FBXO36: variants seen among roughly 807,000 people sequenced by gnomAD.
The protein encoded by FBXO36 is F-box protein 36, also known as F-box only protein 36.
FBXO36 carries 18 observed loss-of-function variants against 17.0 expected under a neutral mutation model. The ratio of observed to expected loss-of-function variants is 1.06; its 90% confidence interval spans 0.73 to 1.57. The LOEUF is 1.57. FBXO36 is among the 40% of genes most tolerant of loss of function. The pLI is 0.00. For missense variants in FBXO36, 229 were observed against 221.9 expected (o/e 1.03, Z -0.20); for synonymous variants, 83 against 85.3 (o/e 0.97, Z 0.15).
At chr2:229,939,058 G>GTTTTTTTTTTT (rs199897011) in intron 1 of FBXO36, 3 of 115,620 alleles carry the variant, frequency 2.6e-5, no homozygotes, top group Non-Finnish European at 3.4e-5. Context: ...TTTGTTTTTT[G>GTTTTTTTTTTT]TTTTTTTTTT....
chr2:229,976,387 C>T lies in FBXO36; in HGVS notation c.205+38C>T, dbSNP rs72993020. ...ACATATTATATACCCCTGTTAAGTT[C>T]TCATTAGTTAGTGGTAGATTTTGTT... On this transcript the variant is annotated intron_variant, in intron 2 of 3. Transcript: ENST00000283946. 7.0e-3 allele frequency: 9,598 copies of T among 1,376,956 alleles called. 52 individuals carry two copies. The highest frequency in any genetic ancestry group is 8.9e-3 in the Non-Finnish European group (8,655 of 972,522). The allele number at this position is 1,376,956 out of a possible 1,614,324, so 85.3% of individuals were successfully genotyped here. A position where few individuals can be genotyped will look rare whatever the true frequency, so the allele number is the denominator to read the frequency against.
intron 3 of FBXO36, among the ~76,000 whole-genome samples, chr2:230,007,131 A>G (rs554934557): frequency 6.6e-6 from 1 of 152,348 alleles, no homozygotes; most frequent in African/African-American, 2.4e-5. Context: ...GTGTGCTGCC[A>G]TTTGGGCACC....
intron 1 of FBXO36, among the ~76,000 whole-genome samples, chr2:229,957,490 T>G (rs2077094710): frequency 6.6e-6 from 1 of 152,120 alleles, no homozygotes; most frequent in East Asian, 1.9e-4. Context: ...GGCAGGAGAA[T>G]TGCTTGAACC....
At chr2:230,001,608 A>G (rs1490427514) in intron 3 of FBXO36, among the ~76,000 whole-genome samples, 1 of 151,886 alleles carries the variant, frequency 6.6e-6, no homozygotes, top group Non-Finnish European at 1.5e-5. Context: ...TTTTCATTTA[A>G]CTACTTTATT....
chr2:229,997,046 C>A, intron 3 of FBXO36, 123 bp downstream of exon 3: 1 of 839,980 alleles, frequency 1.2e-6, no homozygotes, highest in Non-Finnish European at 1.9e-6. Context: ...GGTGCACAAG[C>A]AGCAGAGATG....
At chr2:229,959,579 C>G (rs1396408091) in intron 1 of FBXO36, among the ~76,000 whole-genome samples, 1 of 152,100 alleles carries the variant, frequency 6.6e-6, no homozygotes, top group Non-Finnish European at 1.5e-5. Flanking sequence ...GGCGCGGTGG[C>G]TCATGCCTGG....
chr2:230,003,347 A>C (rs1001855367), intron 3 of FBXO36, among the ~76,000 whole-genome samples: 2 of 150,862 alleles, frequency 1.3e-5, no homozygotes, highest in Non-Finnish European at 2.9e-5. Flanking sequence ...TTATCATTTT[A>C]TTTTGTTCTG....
intron 1 of FBXO36, among the ~76,000 whole-genome samples, chr2:229,959,716 G>A (rs957922072): frequency 2.0e-5 from 3 of 151,906 alleles, no homozygotes; most frequent in Admixed American, 1.3e-4. Flanking sequence ...CGTGGTGGTG[G>A]GCGCCTGTAG....
chr2:229,922,697 C>G, intron 1 of FBXO36, 88 bp downstream of exon 1: 1 of 1,369,580 alleles, frequency 7.3e-7, no homozygotes, highest in South Asian at 1.3e-5. Context: ...AGGCCAAGAG[C>G]AACCGTAGCC....
intron 2 of FBXO36, among the ~76,000 whole-genome samples, chr2:229,989,679 G>T (rs1271079405): frequency 6.6e-6 from 1 of 151,276 alleles, no homozygotes; most frequent in African/African-American, 2.4e-5. Flanking sequence ...CTCTGCCTCA[G>T]ACTCCAGAGT....
intron 1 of FBXO36, among the ~76,000 whole-genome samples, chr2:229,972,298 T>G (rs1207011935): frequency 5.9e-5 from 9 of 152,066 alleles, no homozygotes; most frequent in Admixed American, 5.9e-4. Context: ...GTGCCCGGCC[T>G]ACCAAGTATG....
At chr2:229,935,935 C>T (rs541825798) in intron 1 of FBXO36, among the ~76,000 whole-genome samples, 1 of 152,242 alleles carries the variant, frequency 6.6e-6, no homozygotes, top group East Asian at 1.9e-4. Context: ...CCCCTGTAAT[C>T]CCAGGACTTT....
In FBXO36 at chr2:229,954,234, A is replaced by ATTTTTTTTTTTTTTTTTTTTTTTTTTTTT. The variant is rs60093081; in HGVS notation, c.97-21981_97-21980insTTTTTTTTTTTTTTTTTTTTTTTTTTTTT. On this transcript the variant is annotated intron_variant, in intron 1 of 3. Transcript: ENST00000283946. ...GCAACTGTCATTACAAACCCTTTGG[A>ATTTTTTTTTTTTTTTTTTTTTTTTTTTTT]TTTTTTTTTTTTTTTTTTTTTTTTT... Among the ~76,000 whole-genome samples, 35 of 71,398 alleles carry ATTTTTTTTTTTTTTTTTTTTTTTTTTTTT rather than the reference A, an allele frequency of 4.9e-4. 9 individuals carry two copies. Among genetic ancestry groups the ATTTTTTTTTTTTTTTTTTTTTTTTTTTTT allele is most frequent in the Admixed American group, 1.3e-3 (5 of 3,820 alleles). 46.8% of individuals were successfully genotyped at this position (71,398 alleles called of 152,430 possible).
At chr2:230,010,198 T>C (rs964703273) in intron 3 of FBXO36, among the ~76,000 whole-genome samples, 2 of 152,046 alleles carry the variant, frequency 1.3e-5, no homozygotes, top group Admixed American at 6.6e-5. Flanking sequence ...GAGGCAGAGA[T>C]TGCAGTAAGC....
Position 229,922,536 on chromosome 2 carries a change from C to T in FBXO36, c.23C>T (p.Thr8Ile), listed in dbSNP as rs1481793717. ...AAGATGGCGTCGTGGCTGCCGGAGA[C>T]TCTCTTTGAAACTGTAGGACAAGGC... MASWLPETLFETVGQGPP... is the reference protein window; with the variant it reads MASWLPEILFETVGQGPP... Residue 8 changes from threonine (T) to isoleucine (I), a missense_variant, in exon 1 of 4, where the codon ACT (threonine) becomes ATT (isoleucine). Transcript: ENST00000283946. The T allele has an allele frequency of 2.5e-6, 4 of 1,613,792 alleles. No individual in the cohort carries two copies. The highest frequency in any genetic ancestry group is 2.5e-6 in the Non-Finnish European group (3 of 1,179,974).
Position 229,934,961 on chromosome 2 carries a change from G to A in FBXO36, c.96+12352G>A, listed in dbSNP as rs369135558. 2.8e-4 allele frequency among the ~76,000 whole-genome samples: 42 copies of A among 152,290 alleles called. No individual in the cohort carries two copies. The East Asian group carries it at 5.6e-3, about 20-fold the overall frequency. The stretch of plus-strand genomic sequence containing the variant: ...CTTTCCTTTGGTTTTACAAATAAAT[G>A]TGCTGCTGAGTTTCTGCAACCATTT... On this transcript the variant is annotated intron_variant, in intron 1 of 3. Transcript: ENST00000283946.
chr2:229,976,474 C>T (rs2077208975), intron 2 of FBXO36, 125 bp downstream of exon 2: 1 of 659,590 alleles, frequency 1.5e-6, no homozygotes, highest in African/African-American at 1.8e-5. Context: ...CTTACATATA[C>T]AATGTTAGAT....
intron 1 of FBXO36, among the ~76,000 whole-genome samples, chr2:229,939,806 G>A (rs939224722): frequency 6.6e-6 from 1 of 152,166 alleles, no homozygotes; most frequent in Non-Finnish European, 1.5e-5. Context: ...GAACCGCCGG[G>A]CGCCGTGGCT....
chr2:229,958,132 G>A (rs1035566301), intron 1 of FBXO36, among the ~76,000 whole-genome samples: 1 of 150,436 alleles, frequency 6.6e-6, no homozygotes, highest in Non-Finnish European at 1.5e-5. Flanking sequence ...TCAGAGGTTT[G>A]TTCTGGAAGA....
Sources: allele counts gnomAD v4.1 joint callset (sites outside exome capture counted in the v4.1 genomes callset), GRCh38; gene constraint gnomAD v4.1.1; transcripts MANE v1.5; gene names NCBI Gene and HGNC (gene_info 2026-07-23, HGNC 2026-07-21).